AARS2: variants seen among roughly 807,000 people sequenced by gnomAD.
The protein encoded by AARS2 is alanine--tRNA ligase, mitochondrial.
A neutral mutation model predicts 119.7 loss-of-function variants in AARS2; 78 were observed. The observed-to-expected ratio is 0.65, with a 90% CI of 0.54 to 0.79. AARS2 has a LOEUF of 0.79. Ranked by LOEUF, AARS2 falls within the 30% of genes least tolerant of loss-of-function variation. AARS2 has a pLI of 0.00. For synonymous variants in AARS2, 502 were observed against 526.3 expected, an observed-to-expected ratio of 0.95 and a Z score of 0.63; for missense variants, 1,157 against 1,291.3, an observed-to-expected ratio of 0.90 and a Z score of 1.59.
intron 5 of AARS2, among the ~76,000 whole-genome samples, chr6:44,308,521 A>T (rs1786062401): frequency 6.6e-6 from 1 of 151,924 alleles, no homozygotes; most frequent in South Asian, 2.1e-4. Context: ...CCTGGACAAC[A>T]GAGCAAGCAA....
intron 14 of AARS2, 96 bp downstream of exon 14, chr6:44,304,085 G>A: frequency 6.4e-7 from 1 of 1,569,454 alleles, no homozygotes; most frequent in South Asian, 1.1e-5. Flanking sequence ...GCTGGGCCTA[G>A]AGCCCAGGAC....
intron 8 of AARS2, 33 bp downstream of exon 8, chr6:44,306,461 T>C: frequency 1.2e-6 from 2 of 1,614,126 alleles, no homozygotes; most frequent in Non-Finnish European, 1.7e-6. Flanking sequence ...AACTCTCCCA[T>C]CAACCCCTTT....
rs779932507 is a variant in AARS2 at position 44,304,548 on chromosome 6, T to C, written c.1753-15A>G. 2 of 1,614,048 alleles carry C rather than the reference T, an allele frequency of 1.2e-6. No individual in the cohort carries two copies. Among genetic ancestry groups the C allele is most frequent in the South Asian group, 1.1e-5 (1 of 91,090 alleles). On this transcript the variant is annotated splice_polypyrimidine_tract_variant and intron_variant, in intron 12 of 21. Transcript: ENST00000244571. Reference sequence around the variant, plus strand: ...AACAGCACGTCCTGAGGGAGGGTAGTGGTCAAGGTGCCTGTAGCCTTTCCC... The same window carrying C: ...AACAGCACGTCCTGAGGGAGGGTAGCGGTCAAGGTGCCTGTAGCCTTTCCC...
rs949236495 is a variant in AARS2 at position 44,299,229 on chromosome 6, C to A, written c.*1318G>T. ...TGATCCCCATTCTCTATTTCCCCCCCAGACCTCATCACCATCTGACACTTT... is the reference window on the plus strand; with the variant it reads ...TGATCCCCATTCTCTATTTCCCCCCAAGACCTCATCACCATCTGACACTTT... On this transcript the variant is annotated 3_prime_UTR_variant, in exon 22 of 22. Transcript: ENST00000244571. 1.3e-5 allele frequency among the ~76,000 whole-genome samples: 2 copies of A among 149,732 alleles called. No homozygotes were observed. Among genetic ancestry groups the A allele is most frequent in the Non-Finnish European group, 3.0e-5 (2 of 67,560 alleles).
chr6:44,311,666 A>C (rs1583061004), intron 2 of AARS2, 131 bp from the exon 3 acceptor site: 2 of 1,167,062 alleles, frequency 1.7e-6, no homozygotes, highest in East Asian at 2.5e-5. Context: ...TTGTTCCCAG[A>C]ATAAGCCATG....
intron 21 of AARS2, 72 bp from the exon 22 acceptor site, chr6:44,300,783 A>C: frequency 7.1e-6 from 11 of 1,557,798 alleles, no homozygotes; most frequent in Non-Finnish European, 8.7e-6. Context: ...AGGTACCCTC[A>C]AGAGTGGAGC....
Position 44,305,040 on chromosome 6 carries a change from GTC to G in AARS2, c.1579+12_1579+13del, listed in dbSNP as rs1471447644. On this transcript the variant is annotated intron_variant, in intron 11 of 21. Transcript: ENST00000244571. This position sits in a 1 kb window ranked among gnomAD's most constrained non-coding sequence, Gnocchi z 4.6. ...GGCAAGCTTGTGGCGGCAGGCCTTG[GTC>G]CAGGCTCTCACCATAACTTCCGCTG... 1 of 1,614,120 alleles carries G rather than the reference GTC, an allele frequency of 6.2e-7. No homozygotes were observed. Among genetic ancestry groups the G allele is most frequent in the Non-Finnish European group, 8.5e-7 (1 of 1,180,034 alleles).
At chr6:44,309,560 A>C (rs1259852509) in intron 5 of AARS2, among the ~76,000 whole-genome samples, 1 of 152,180 alleles carries the variant, frequency 6.6e-6, no homozygotes, top group African/African-American at 2.4e-5. Context: ...CGGGGCAAGG[A>C]GGGAGGGTAT....
rs2153353845 is a variant in AARS2 at position 44,302,372 on chromosome 6, T to C, written c.2487+19A>G. On this transcript the variant is annotated intron_variant, in intron 18 of 21. Coordinates refer to ENST00000244571, the MANE Select transcript of AARS2 (RefSeq NM_020745.4). Reference sequence around the variant, plus strand: ...GTAATAGGGCTAGGAGAGGGTGGGGTGGTAGGCGTGGCCCTCACTTCAATG... The same window carrying C: ...GTAATAGGGCTAGGAGAGGGTGGGGCGGTAGGCGTGGCCCTCACTTCAATG... 1 of 1,613,430 alleles carries C rather than the reference T, an allele frequency of 6.2e-7. No homozygotes were observed.
At position 44,307,907 on chromosome 6, in the gene AARS2, G is replaced by A. The variant is rs373051761; in HGVS notation, c.895-513C>T. Among the ~76,000 whole-genome samples, 14 of 152,178 alleles carry A rather than the reference G, an allele frequency of 9.2e-5. No homozygotes were observed. Among genetic ancestry groups the A allele is most frequent in the African/African-American group, 3.4e-4 (14 of 41,456 alleles). On this transcript the variant is annotated intron_variant, in intron 5 of 21. Coordinates refer to ENST00000244571, the MANE Select transcript of AARS2 (RefSeq NM_020745.4). The surrounding 1 kb of genome is among the most constrained non-coding windows in gnomAD (Gnocchi z 4.4). ...GCTACATACACGGAAATGCTCCAAA[G>A]CAGGGAGCTTGATTCACTTACCACC... is the stretch of plus-strand genomic sequence containing the variant.
In AARS2 at chr6:44,311,096, C is replaced by A; in HGVS notation, c.647G>T (p.Gly216Val). 6.2e-7 allele frequency: 1 copy of A among 1,614,048 alleles called. No homozygotes were observed. The highest frequency in any genetic ancestry group is 8.5e-7 in the Non-Finnish European group (1 of 1,180,012). ...QENFWEMGDT[G>V]PCGPCTEIHY... ...GATCTCAGTACAGGGCCCACAAGGG[C>A]CAGTATCCCCCATCTCCCAGAAGTT... Residue 216 changes from glycine (G) to valine (V), a missense_variant, in exon 4 of 22, where the codon GGC (glycine) becomes GTC (valine). Gly to Val is a moderately radical substitution (Grantham distance 109, BLOSUM62 -3). Coordinates refer to ENST00000244571, the MANE Select transcript of AARS2 (RefSeq NM_020745.4).
intron 14 of AARS2, among the ~76,000 whole-genome samples, chr6:44,303,634 G>A (rs1319524688): frequency 6.6e-6 from 1 of 152,210 alleles, no homozygotes; most frequent in East Asian, 1.9e-4. Flanking sequence ...GAAGCTCCAG[G>A]CCTTTCACCA....
Position 44,301,155 on chromosome 6 carries a change from C to T in AARS2, c.2793+1G>A, listed in dbSNP as rs1353068231. 6.2e-7 allele frequency: 1 copy of T among 1,612,714 alleles called. No individual in the cohort carries two copies. The highest frequency in any genetic ancestry group is 1.3e-5 in the African/African-American group (1 of 74,894). ...GTGGGCTGCTCTCCCACTTCCCTCACCTGGGCCACCTGACAGGCACACAGC... is the reference window on the plus strand; with the variant it reads ...GTGGGCTGCTCTCCCACTTCCCTCATCTGGGCCACCTGACAGGCACACAGC... On this transcript the variant is annotated splice_donor_variant, in intron 21 of 21. Coordinates refer to ENST00000244571, the MANE Select transcript of AARS2 (RefSeq NM_020745.4). LOFTEE classifies it high-confidence loss of function.
In AARS2 at chr6:44,300,685, C is replaced by T. The variant is rs762941467; in HGVS notation, c.2820G>A (p.Glu940=). Reference sequence around the variant, plus strand: ...GGCTGCACACTGCCAGTGCCCAGGCCTCTGCTGTGAAGGTGGGCATGGCAC... The same window carrying T: ...GGCTGCACACTGCCAGTGCCCAGGCTTCTGCTGTGAAGGTGGGCATGGCAC... ...AQGAMPTFTA[E]AWALAVCSHM... The change falls in exon 22 of 22, where the codon GAG becomes GAA. Residue 940 remains glutamate, a synonymous_variant. Coordinates refer to ENST00000244571, the MANE Select transcript of AARS2 (RefSeq NM_020745.4). 3.8e-5 allele frequency: 61 copies of T among 1,613,358 alleles called. No homozygotes were observed. Among genetic ancestry groups the T allele is most frequent in the Non-Finnish European group, 1.7e-6 (2 of 1,180,050 alleles).
Position 44,311,494 on chromosome 6 carries a change from G to C in AARS2, c.477C>G (p.Val159=). The C allele has an allele frequency of 6.2e-7, 1 of 1,613,944 alleles. No individual in the cohort carries two copies. The highest frequency in any genetic ancestry group is 1.1e-5 in the South Asian group (1 of 91,080). Reference sequence around the variant, plus strand: ...AGAGCCTTTCCTCAGGGATCCCATAGACCTGAGTCAGCAGTTCCCAGGCCA... The same window carrying C: ...AGAGCCTTTCCTCAGGGATCCCATACACCTGAGTCAGCAGTTCCCAGGCCA... ...CNMAWELLTQ[V]YGIPEERLWI... The change falls in exon 3 of 22, where the codon GTC becomes GTG. Residue 159 remains valine, a synonymous_variant. Coordinates refer to ENST00000244571, the MANE Select transcript of AARS2 (RefSeq NM_020745.4).
chr6:44,307,163 A>C lies in AARS2; in HGVS notation c.1040+86T>G. 6.2e-7 allele frequency: 1 copy of C among 1,602,544 alleles called. No individual in the cohort carries two copies. The highest frequency in any genetic ancestry group is 1.3e-5 in the African/African-American group (1 of 74,684). On this transcript the variant is annotated intron_variant, in intron 6 of 21. Coordinates refer to ENST00000244571, the MANE Select transcript of AARS2 (RefSeq NM_020745.4). The surrounding 1 kb of genome is among the most constrained non-coding windows in gnomAD (Gnocchi z 4.4). ...CTCTCCCCATTCCTCCTACTGGCTC[A>C]ACCAGACCCACCTCTCCTGTTCCCT...
At position 44,304,771 on chromosome 6, in the gene AARS2, G is replaced by A. The variant is rs752676508; in HGVS notation, c.1626C>T (p.Asp542=). The A allele has an allele frequency of 7.6e-5, 122 of 1,614,030 alleles. 1 individual carries two copies. The highest frequency in any genetic ancestry group is 1.6e-4 in the Middle Eastern group (1 of 6,076). ...EAQVLQLYTE[D]GTAVASVGKG... is the part of the protein sequence containing the mutation. ...TCCCCACGGAGGCCACTGCTGTCCC[G>A]TCCTCTGTATACAGTTGCAACACCT... The change falls in exon 12 of 22, where the codon GAC becomes GAT. Residue 542 remains aspartate, a synonymous_variant. Transcript: ENST00000244571.
In AARS2 at chr6:44,305,689, G is replaced by C. The variant is rs146711725; in HGVS notation, c.1398C>G (p.Ser466=). 1.9e-6 allele frequency: 3 copies of C among 1,614,024 alleles called. No individual in the cohort carries two copies. The highest frequency in any genetic ancestry group is 2.5e-6 in the Non-Finnish European group (3 of 1,180,026). Residue 466 remains serine, a synonymous_variant, in exon 10 of 22, where the codon TCC becomes TCG. Coordinates refer to ENST00000244571, the MANE Select transcript of AARS2 (RefSeq NM_020745.4). This position sits in a 1 kb window ranked among gnomAD's most constrained non-coding sequence, Gnocchi z 4.6. ...MLEEKGVQLD[S]AGLERLAQEE... is the part of the protein sequence containing the mutation. ...CTTGGGCCAACCGCTCCAGTCCAGC[G>C]GAGTCTAGCTGGACCCCTTTCTCCT...
intron 7 of AARS2, 117 bp from the exon 8 acceptor site, chr6:44,306,649 G>A (rs193078973): frequency 5.6e-6 from 7 of 1,260,924 alleles, no homozygotes; most frequent in South Asian, 3.6e-5. Context: ...TTGAGGGGCT[G>A]GGAGAGGGAC....
Sources: gnomAD v4.1 joint callset for allele counts (sites outside exome capture counted in the v4.1 genomes callset) on GRCh38, gnomAD v4.1.1 for gene constraint, Gnocchi (gnomAD v3.1) non-coding constraint, MANE v1.5 for transcripts, NCBI Gene and HGNC (gene_info 2026-07-23, HGNC 2026-07-21) for gene names.